SUN5: variants seen among roughly 807,000 people sequenced by gnomAD.
The protein encoded by SUN5 is SUN domain-containing protein 5.
Under a neutral mutation model 53.7 loss-of-function variants are expected in SUN5, and 44 were observed. The observed-to-expected ratio is 0.82, with a 90% CI of 0.64 to 1.05. SUN5 has a LOEUF of 1.05. Ranked by LOEUF, SUN5 falls within the 50% of genes least tolerant of loss-of-function variation. The probability of loss-of-function intolerance (pLI) is 0.00; values close to 1 mark genes in which losing one functional copy is unlikely to be tolerated. For missense variants in SUN5, 433 were observed against 483.8 expected, an observed-to-expected ratio of 0.90 and a Z score of 0.98; for synonymous variants, 166 against 179.8, an observed-to-expected ratio of 0.92 and a Z score of 0.62.
chr20:33,001,576 T>C (rs1223333638), intron 3 of SUN5, among the ~76,000 whole-genome samples: 2 of 144,498 alleles, frequency 1.4e-5, no homozygotes, highest in Admixed American at 6.7e-5. Context: ...TCTTCCTTCC[T>C]TCCTTTCTTT....
At chr20:32,986,404 A>C (rs1204205431) in intron 10 of SUN5, among the ~76,000 whole-genome samples, 1 of 152,156 alleles carries the variant, frequency 6.6e-6, no homozygotes, top group Non-Finnish European at 1.5e-5. Flanking sequence ...TGCCCCACAG[A>C]CGGGGAAACA....
chr20:32,995,856 C>CAGGG, intron 7 of SUN5, 129 bp from the exon 8 acceptor site: 3 of 761,622 alleles, frequency 3.9e-6, no homozygotes, highest in Non-Finnish European at 6.8e-6. Flanking sequence ...TGGGCCCATC[C>CAGGG]CTGGACCCAT....
chr20:32,985,920 C>T lies in SUN5; in HGVS notation c.730-17G>A, dbSNP rs1244353241. The T allele has an allele frequency of 1.2e-6, 2 of 1,611,268 alleles. No homozygotes were observed. The highest frequency in any genetic ancestry group is 1.7e-6 in the Non-Finnish European group (2 of 1,178,338). Reference sequence around the variant, plus strand: ...CACGTTGGGCTAGAAGAGGCAAGTACAATAAGGGATATGCTGGGTGGGTAG... The same window carrying T: ...CACGTTGGGCTAGAAGAGGCAAGTATAATAAGGGATATGCTGGGTGGGTAG... On this transcript the variant is annotated splice_polypyrimidine_tract_variant and intron_variant, in intron 10 of 12. Coordinates refer to ENST00000356173, the MANE Select transcript of SUN5 (RefSeq NM_080675.4).
At chr20:32,987,483 C>A (rs942476421) in intron 10 of SUN5, among the ~76,000 whole-genome samples, 177 bp downstream of exon 10, 1 of 145,416 alleles carries the variant, frequency 6.9e-6, no homozygotes, top group South Asian at 2.2e-4. Context: ...TTGTCAGTAG[C>A]CCCCTCCTTC....
intron 8 of SUN5, among the ~76,000 whole-genome samples, chr20:32,994,036 G>A (rs1331461101): frequency 2.6e-5 from 4 of 152,310 alleles, no homozygotes; most frequent in African/African-American, 7.2e-5. Flanking sequence ...AGATTTTTGC[G>A]TTCATGCAGG....
chr20:32,989,937 G>A (rs144581645), intron 8 of SUN5, among the ~76,000 whole-genome samples: 19 of 152,234 alleles, frequency 1.2e-4, no homozygotes, highest in Middle Eastern at 3.4e-3. Flanking sequence ...TGGAGGTCCC[G>A]GAGTCTCAGT....
At chr20:33,003,143 C>T (rs1293490212) in intron 1 of SUN5, among the ~76,000 whole-genome samples, 1 of 152,144 alleles carries the variant, frequency 6.6e-6, no homozygotes, top group Non-Finnish European at 1.5e-5. Flanking sequence ...CGGTTGTCGC[C>T]ATGTCCCCGA....
intron 1 of SUN5, 116 bp downstream of exon 1, chr20:33,004,148 G>T: frequency 9.0e-7 from 1 of 1,112,024 alleles, no homozygotes. Context: ...TCTGGTCTTG[G>T]TGGCTGTCTC....
At chr20:32,990,318 G>A (rs1251121075) in intron 8 of SUN5, among the ~76,000 whole-genome samples, 1 of 152,230 alleles carries the variant, frequency 6.6e-6, no homozygotes, top group Non-Finnish European at 1.5e-5. Flanking sequence ...AGATGCGGAT[G>A]GCAAAGCACT....
intron 8 of SUN5, among the ~76,000 whole-genome samples, chr20:32,990,366 T>C (rs1989679012): frequency 6.6e-6 from 1 of 152,132 alleles, no homozygotes; most frequent in Non-Finnish European, 1.5e-5. Flanking sequence ...AGCTGTTCTT[T>C]TTATTAGACT....
intron 3 of SUN5, among the ~76,000 whole-genome samples, chr20:33,001,519 C>CTTCTTTCT (rs112468655): frequency 0.043 from 5,265 of 121,186 alleles, 252 homozygotes; most frequent in East Asian, 0.12. Context: ...TTCTTTCTTT[C>CTTCTTTCT]TTCTTTCTTT....
In SUN5 at chr20:32,983,859, C is replaced by G. The variant is rs200348907; in HGVS notation, c.1075G>C (p.Val359Leu). ...PGFTCLYRVR[V>L]HGSVAPPREQ... ...CTGGGCGGGGCCACAGAGCCATGCACTCGCACGCGGTACAGGCAAGTGAAG... is the reference window on the plus strand; with the variant it reads ...CTGGGCGGGGCCACAGAGCCATGCAGTCGCACGCGGTACAGGCAAGTGAAG... Residue 359 changes from valine to leucine, a missense_variant, in exon 13 of 13, where the codon GTG becomes CTG. Val to Leu is a conservative substitution (Grantham distance 32). Transcript: ENST00000356173. 1.9e-6 allele frequency: 3 copies of G among 1,600,072 alleles called. No individual in the cohort carries two copies. The East Asian group carries it at 6.8e-5, about 36-fold the overall frequency.
Position 33,001,246 on chromosome 20 carries a change from T to C in SUN5, c.244A>G (p.Thr82Ala). 1.3e-6 allele frequency: 2 copies of C among 1,578,852 alleles called. No homozygotes were observed. The highest frequency in any genetic ancestry group is 1.7e-6 in the Non-Finnish European group (2 of 1,159,794). ...WFTCFACSLR[T>A]QAQQVLFNTC... ...TTAAACAGAACCTGCTGGGCCTGAGTTCTCAGGGAGCAGGCAAAACAGGTG... is the reference window on the plus strand; with the variant it reads ...TTAAACAGAACCTGCTGGGCCTGAGCTCTCAGGGAGCAGGCAAAACAGGTG... The change falls in exon 4 of 13, where the codon ACT becomes GCT. Residue 82 changes from threonine to alanine, a missense_variant. Physicochemically the swap from Thr to Ala is moderately conservative, Grantham distance 58. Coordinates refer to ENST00000356173, the MANE Select transcript of SUN5 (RefSeq NM_080675.4).
At chr20:32,991,409 T>C (rs1397781618) in intron 8 of SUN5, among the ~76,000 whole-genome samples, 3 of 152,234 alleles carry the variant, frequency 2.0e-5, no homozygotes, top group Admixed American at 1.3e-4. Context: ...TTACAACTCA[T>C]CTTCTAGATG....
chr20:33,003,371 G>A (rs530280706), intron 1 of SUN5, among the ~76,000 whole-genome samples: 1 of 152,200 alleles, frequency 6.6e-6, no homozygotes, highest in Non-Finnish European at 1.5e-5. Flanking sequence ...AGCTAAATGA[G>A]ACCCACAGAA....
At chr20:32,995,772 C>T (rs73119670) in intron 7 of SUN5, 45 bp from the exon 8 acceptor site, 61,618 of 1,548,598 alleles carry the variant, frequency 0.04, 1,518 homozygotes, top group Non-Finnish European at 0.046. Context: ...ATTTGTGATG[C>T]GTTGTTGTTA....
intron 8 of SUN5, among the ~76,000 whole-genome samples, chr20:32,993,685 T>A (rs1334220841): frequency 6.6e-6 from 1 of 152,136 alleles, no homozygotes; most frequent in Non-Finnish European, 1.5e-5. Context: ...AAGCAAGAGA[T>A]CAAGGCCTTA....
chr20:32,990,292 G>A (rs1040214014), intron 8 of SUN5, among the ~76,000 whole-genome samples: 3 of 152,194 alleles, frequency 2.0e-5, no homozygotes, highest in Admixed American at 6.5e-5. Flanking sequence ...GCCCTTAACC[G>A]CTCCACTCTG....
In SUN5 at chr20:33,001,204, C is replaced by A; in HGVS notation, c.278+8G>T. 6.4e-7 allele frequency: 1 copy of A among 1,567,892 alleles called. No individual in the cohort carries two copies. The highest frequency in any genetic ancestry group is 2.3e-5 in the East Asian group (1 of 42,968). The stretch of plus-strand genomic sequence containing the variant: ...CCCATCCACCCTCCCCCTGCCTTCC[C>A]TGCTCACCTGCACGTGTTAAACAGA... On this transcript the variant is annotated splice_region_variant and intron_variant, in intron 4 of 12. Coordinates refer to ENST00000356173, the MANE Select transcript of SUN5 (RefSeq NM_080675.4).
Sources: gnomAD v4.1 joint callset for allele counts (sites outside exome capture counted in the v4.1 genomes callset) on GRCh38, gnomAD v4.1.1 for gene constraint, MANE v1.5 for transcripts, NCBI Gene and HGNC (gene_info 2026-07-23, HGNC 2026-07-21) for gene names.